Variants in TENM1 observed in about 807,000 individuals in gnomAD.
TENM1 encodes teneurin transmembrane protein 1, also known as teneurin-1.
TENM1 carries 35 observed loss-of-function variants against 174.8 expected under a neutral mutation model. That is an observed-to-expected ratio of 0.20 (90% confidence interval 0.15 to 0.27). TENM1 has a LOEUF of 0.27. Among genes scored for constraint, TENM1 ranks in the 10% least tolerant of loss-of-function variants. The probability of loss-of-function intolerance (pLI) is 1.00; values close to 1 mark genes in which losing one functional copy is unlikely to be tolerated. For synonymous variants in TENM1, 781 were observed against 798.7 expected (o/e 0.98, Z 0.37); for missense variants, 1,633 against 2,130.1 (o/e 0.77, Z 4.59).
intron 1 of TENM1, among the ~76,000 whole-genome samples, chrX:124,900,557 C>A (rs1189222017): frequency 1.8e-5 from 2 of 110,667 alleles, no homozygotes; most frequent in African/African-American, 6.6e-5. Context: ...TCAATTATAC[C>A]CCTACAAAGA....
rs1390150818 is a variant in TENM1, at chrX:124,951,654, AT to A, written c.217+11882del. ...GAAAAGTTAAAATATATATATATATATATATATATATATATATATAACAATC... is the reference window on the plus strand; with the variant it reads ...GAAAAGTTAAAATATATATATATATAATATATATATATATATATAACAATC... On this transcript the variant is annotated intron_variant, in intron 1 of 31. Transcript: ENST00000422452. Among the ~76,000 whole-genome samples the A allele has an allele frequency of 3.4e-3, 173 of 51,273 alleles. 1 individual carries two copies. The highest frequency in any genetic ancestry group is 8.6e-3 in the African/African-American group (164 of 19,173). The allele number at this position is 51,273 out of a possible 115,157, so 44.5% of individuals were successfully genotyped here. A position where few individuals can be genotyped will look rare whatever the true frequency, so the allele number is the denominator to read the frequency against.
chrX:124,715,642 T>A (rs924699180), intron 4 of TENM1, among the ~76,000 whole-genome samples: 3 of 110,003 alleles, frequency 2.7e-5, no homozygotes, highest in Non-Finnish European at 3.8e-5. Flanking sequence ...TTTCCTTTTC[T>A]TTTCTTTTCT....
chrX:124,436,666 T>C (rs1368235104), intron 23 of TENM1, among the ~76,000 whole-genome samples: 1 of 109,457 alleles, frequency 9.1e-6, no homozygotes, highest in Non-Finnish European at 1.9e-5. Context: ...GCTAATTTTT[T>C]GTATTTTTAG....
Position 124,739,629 on chromosome X carries a change from A to G in TENM1, c.536-2432T>C, listed in dbSNP as rs771043054. Among the ~76,000 whole-genome samples, 9 of 112,497 alleles carry G rather than the reference A, an allele frequency of 8.0e-5. No individual in the cohort carries two copies. The South Asian group carries it at 2.6e-3, about 32-fold the overall frequency. ...TTTCCATTATGCTACTTCGGAACAT[A>G]AACATGACTCTCTTCTATGACTTTA... On this transcript the variant is annotated intron_variant, in intron 3 of 31. Coordinates refer to ENST00000422452, the Ensembl canonical transcript of TENM1.
chrX:124,843,732 T>C (rs1450700175), intron 3 of TENM1, among the ~76,000 whole-genome samples: 5 of 111,758 alleles, frequency 4.5e-5, no homozygotes, highest in Non-Finnish European at 9.4e-5. Context: ...CCAAACTTGT[T>C]TGTGTTCTTC....
intron 29 of TENM1, 45 bp from the exon 33 acceptor site, chrX:124,384,899 G>C: frequency 8.8e-7 from 1 of 1,135,591 alleles, no homozygotes; most frequent in African/African-American, 1.8e-5. Flanking sequence ...GGCGATCAAT[G>C]TGGAAGAGTC....
intron 1 of TENM1, among the ~76,000 whole-genome samples, chrX:124,912,227 T>G (rs991902180): frequency 9.0e-6 from 1 of 111,288 alleles, no homozygotes; most frequent in Non-Finnish European, 1.9e-5. Flanking sequence ...AAGTAGGAAT[T>G]TAGCTTCTTC....
intron 1 of TENM1, among the ~76,000 whole-genome samples, chrX:124,900,140 C>T (rs1231435400): frequency 8.9e-6 from 1 of 111,865 alleles, no homozygotes; most frequent in African/African-American, 3.2e-5. Context: ...TACAAATGTC[C>T]CAAGTATCTA....
chrX:124,646,594 G>A (rs2051165525), intron 9 of TENM1, 115 bp downstream of exon 12: 1 of 512,773 alleles, frequency 2.0e-6, no homozygotes, highest in Non-Finnish European at 3.3e-6. Flanking sequence ...AGGGAACACT[G>A]CTGCTGTTGC....
intron 15 of TENM1, among the ~76,000 whole-genome samples, chrX:124,532,359 T>C (rs2048126443): frequency 8.9e-6 from 1 of 111,946 alleles, no homozygotes; most frequent in South Asian, 3.8e-4. Flanking sequence ...CTCTCTGCTG[T>C]TCTTTTATTT....
intron 14 of TENM1, among the ~76,000 whole-genome samples, chrX:124,549,911 T>G (rs907336169): frequency 2.7e-5 from 3 of 109,465 alleles, no homozygotes; most frequent in African/African-American, 1.0e-4. Context: ...ATTAACAGTT[T>G]TTTTTTTTTT....
At chrX:124,716,628 C>T (rs1198371222) in intron 4 of TENM1, among the ~76,000 whole-genome samples, 1 of 112,036 alleles carries the variant, frequency 8.9e-6, no homozygotes, top group African/African-American at 3.2e-5. Context: ...AATTGGTAGC[C>T]GGTGCCATTT....
At chrX:124,531,126 C>CTT (rs1189755779) in intron 15 of TENM1, among the ~76,000 whole-genome samples, 10 of 79,166 alleles carry the variant, frequency 1.3e-4, no homozygotes, top group East Asian at 1.1e-3. Context: ...TCAATACCAC[C>CTT]TTTTTTTTTT....
chrX:125,060,358 G>A, the TENM1 span, among the ~76,000 whole-genome samples: 1 of 110,386 alleles, frequency 9.1e-6, no homozygotes, highest in Non-Finnish European at 1.9e-5. Flanking sequence ...TTTAAGTGAT[G>A]TGTATGGGTC....
intron 3 of TENM1, among the ~76,000 whole-genome samples, chrX:124,881,993 T>G (rs1473835405): frequency 1.8e-5 from 2 of 112,451 alleles, no homozygotes; most frequent in Non-Finnish European, 3.8e-5. Context: ...CCTCCCGAAG[T>G]GCTGGGATTA....
intron 3 of TENM1, among the ~76,000 whole-genome samples, chrX:124,791,957 T>C (rs2055191079): frequency 9.0e-6 from 1 of 111,273 alleles, no homozygotes; most frequent in African/African-American, 3.3e-5. Flanking sequence ...GATGTTAACC[T>C]TCCTATGAAG....
intron 1 of TENM1, among the ~76,000 whole-genome samples, chrX:124,914,207 T>C (rs1392436065): frequency 9.0e-6 from 1 of 111,729 alleles, no homozygotes; most frequent in Non-Finnish European, 1.9e-5. Context: ...GGTAAGGAGG[T>C]ATAATGTAAT....
chrX:124,868,737 A>C (rs2057053315), intron 3 of TENM1, among the ~76,000 whole-genome samples: 1 of 111,432 alleles, frequency 9.0e-6, no homozygotes, highest in Non-Finnish European at 1.9e-5. Flanking sequence ...CTAATCTCCC[A>C]CAGGATTAAT....
chrX:125,161,461 G>A, the TENM1 span, among the ~76,000 whole-genome samples: 1 of 106,276 alleles, frequency 9.4e-6, no homozygotes, highest in African/African-American at 3.5e-5. Context: ...AGCCATAAAA[G>A]GAATGAAGTG....
Sources: allele counts gnomAD v4.1 joint callset (sites outside exome capture counted in the v4.1 genomes callset), GRCh38; gene constraint gnomAD v4.1.1; transcripts MANE v1.5; gene names NCBI Gene and HGNC (gene_info 2026-07-23, HGNC 2026-07-21).